CBL: variants seen among roughly 807,000 people sequenced by gnomAD.
CBL encodes Cbl proto-oncogene.
A neutral mutation model predicts 96.9 loss-of-function variants in CBL; 45 were observed. The observed-to-expected ratio is 0.46, with a 90% confidence interval of 0.37 to 0.60. The LOEUF is 0.60. Ranked by LOEUF, CBL falls within the 20% of genes least tolerant of loss-of-function variation. The pLI, the probability that CBL is intolerant of heterozygous loss-of-function variation, is 0.00. For missense variants in CBL, 1,024 were observed against 1,143.5 expected, an observed-to-expected ratio of 0.90 and a Z score of 1.51; for synonymous variants, 420 against 426.8, an observed-to-expected ratio of 0.98 and a Z score of 0.20.
intron 2 of CBL, among the ~76,000 whole-genome samples, chr11:119,249,044 G>T (rs1245609762): frequency 6.6e-6 from 1 of 152,166 alleles, no homozygotes; most frequent in Admixed American, 6.5e-5. Flanking sequence ...CAGTTCTTTA[G>T]AAAGCTGAAC....
chr11:119,218,648 T>C (rs1382918894), intron 1 of CBL, among the ~76,000 whole-genome samples: 1 of 152,050 alleles, frequency 6.6e-6, no homozygotes, highest in Non-Finnish European at 1.5e-5. Context: ...GTAGTGTATC[T>C]ACACCGTCTA....
At chr11:119,229,548 G>C (rs1949485300) in intron 1 of CBL, among the ~76,000 whole-genome samples, 1 of 152,086 alleles carries the variant, frequency 6.6e-6, no homozygotes, top group Non-Finnish European at 1.5e-5. Context: ...CCAGGAGTTC[G>C]AGGTTGTGGT....
rs1268167047 is a variant in CBL, at chr11:119,285,535, T to A, written c.1910T>A (p.Leu637His). Residue 637 changes from leucine to histidine, a missense_variant, in exon 11 of 16, where the codon CTC (leucine) becomes CAC (histidine). Physicochemically the swap from Leu to His is moderately conservative, Grantham distance 99 (BLOSUM62 -3). Transcript: ENST00000264033. ...GAGCCCAGACCAGATGTGCCTAGGC[T>A]CGGAAGCACGTTCAGTCTGGATACC... is the stretch of plus-strand genomic sequence containing the variant. Reference protein sequence around the residue: ...QMEPRPDVPRLGSTFSLDTSM... With the variant: ...QMEPRPDVPRHGSTFSLDTSM... 1.2e-6 allele frequency: 2 copies of A among 1,613,972 alleles called. No individual in the cohort carries two copies. The highest frequency in any genetic ancestry group is 1.7e-6 in the Non-Finnish European group (2 of 1,180,042).
At chr11:119,293,702 G>T (rs1441453027) in intron 12 of CBL, among the ~76,000 whole-genome samples, 2 of 152,018 alleles carry the variant, frequency 1.3e-5, no homozygotes, top group East Asian at 1.9e-4. Context: ...TTCTTAGTCT[G>T]TTTTCTGTTG....
intron 2 of CBL, 80 bp downstream of exon 2, chr11:119,232,775 G>C: frequency 1.4e-6 from 2 of 1,384,716 alleles, no homozygotes; most frequent in East Asian, 4.6e-5. Context: ...AGTTGAGTTG[G>C]TTTTAATTTT....
intron 2 of CBL, among the ~76,000 whole-genome samples, chr11:119,259,508 T>G (rs1225157382): frequency 1.3e-5 from 2 of 152,184 alleles, no homozygotes; most frequent in African/African-American, 4.8e-5. Context: ...TAAATTTATG[T>G]GAATTTAGTA....
At chr11:119,249,273 C>T (rs570811563) in intron 2 of CBL, among the ~76,000 whole-genome samples, 46 of 152,246 alleles carry the variant, frequency 3.0e-4, no homozygotes, top group Non-Finnish European at 5.3e-4. Flanking sequence ...ATGAAATTTT[C>T]GACTGGGCGT....
Position 119,278,645 on chromosome 11 carries a change from T to TATGATG in CBL, c.1377_1382dup (p.Asp459_Asp460dup). 6.2e-7 allele frequency: 1 copy of TATGATG among 1,613,022 alleles called. No individual in the cohort carries two copies. The stretch of plus-strand genomic sequence containing the variant: ...AGCAGAGGGAGCTCCCTCCCCAAAT[T>TATGATG]ATGATGATGATGATGATGAACGAGC... On this transcript the variant is annotated inframe_insertion, in exon 9 of 16. Transcript: ENST00000264033.
chr11:119,234,566 A>C (rs1949527631), intron 2 of CBL, among the ~76,000 whole-genome samples: 2 of 152,234 alleles, frequency 1.3e-5, no homozygotes, highest in Non-Finnish European at 2.9e-5. Context: ...TTCTGGTTCT[A>C]GGAGGTGAAA....
chr11:119,298,434 C>T lies in CBL; in HGVS notation c.2328C>T (p.Val776=). ...ESENEDDGYD[V]PKPPVPAVLA... ...AAAATGAGGATGATGGGTATGATGTCCCAAAGCCACCTGTGCCGGCCGTGC... is the reference window on the plus strand; with the variant it reads ...AAAATGAGGATGATGGGTATGATGTTCCAAAGCCACCTGTGCCGGCCGTGC... Residue 776 remains valine (V), a synonymous_variant, in exon 15 of 16, where the codon GTC becomes GTT. Coordinates refer to ENST00000264033, the MANE Select transcript of CBL (RefSeq NM_005188.4). 1 of 1,614,150 alleles carries T rather than the reference C, an allele frequency of 6.2e-7. No individual in the cohort carries two copies. The highest frequency in any genetic ancestry group is 1.1e-5 in the South Asian group (1 of 91,090).
rs1950130644 is a variant in CBL at position 119,305,604 on chromosome 11, A to G, written c.*5823A>G. On this transcript the variant is annotated 3_prime_UTR_variant, in exon 16 of 16. Coordinates refer to ENST00000264033, the MANE Select transcript of CBL (RefSeq NM_005188.4). ...AGAAACTACTTTGCCAGAGCCAGTA[A>G]GAATATATAATATTGGAGCAGTTGC... 1 of 225,788 alleles carries G rather than the reference A, an allele frequency of 4.4e-6. No individual in the cohort carries two copies. The highest frequency in any genetic ancestry group is 5.7e-5 in the Admixed American group (1 of 17,512). The allele number at this position is 225,788 out of a possible 1,614,324, so 14.0% of individuals were successfully genotyped here. A position where few individuals can be genotyped will look rare whatever the true frequency, so the allele number is the denominator to read the frequency against.
chr11:119,268,646 GGA>G (rs1949820691), intron 2 of CBL, among the ~76,000 whole-genome samples: 1 of 152,216 alleles, frequency 6.6e-6, no homozygotes, highest in Non-Finnish European at 1.5e-5. Flanking sequence ...CAAAGGAACA[GGA>G]GAGAGTACAC....
At chr11:119,298,109 A>G (rs1029503337) in intron 14 of CBL, among the ~76,000 whole-genome samples, 1 of 152,226 alleles carries the variant, frequency 6.6e-6, no homozygotes, top group African/African-American at 2.4e-5. Context: ...AGTCATTGGC[A>G]TCGGTGGCTA....
chr11:119,254,928 C>CT (rs1237427936), intron 2 of CBL, among the ~76,000 whole-genome samples: 1 of 152,070 alleles, frequency 6.6e-6, no homozygotes, highest in East Asian at 1.9e-4. Flanking sequence ...AACTTGTTCT[C>CT]AGTAGATTCA....
At chr11:119,216,394 A>G (rs1243736045) in intron 1 of CBL, among the ~76,000 whole-genome samples, 5 of 139,766 alleles carry the variant, frequency 3.6e-5, no homozygotes, top group Non-Finnish European at 6.2e-5. Context: ...ATTTTTTGAG[A>G]TGGAGTCTTG....
rs984614929 is a variant in CBL, at chr11:119,300,284, T to G, written c.*503T>G. On this transcript the variant is annotated 3_prime_UTR_variant, in exon 16 of 16. Coordinates refer to ENST00000264033, the MANE Select transcript of CBL (RefSeq NM_005188.4). ...TTTTAAAGACTTCCATCTACTGTGG[T>G]ATTATACCCAAGCCTAGTGTGTATT... is the stretch of plus-strand genomic sequence containing the variant. 2.2e-6 allele frequency: 1 copy of G among 444,672 alleles called. No homozygotes were observed. The highest frequency in any genetic ancestry group is 3.8e-5 in the Admixed American group (1 of 26,356). 27.5% of individuals were successfully genotyped at this position (444,672 alleles called of 1,614,324 possible). A position where few individuals can be genotyped will look rare whatever the true frequency, so the allele number is the denominator to read the frequency against.
Position 119,210,743 on chromosome 11 carries a change from C to T in CBL, c.195+4131C>T, listed in dbSNP as rs569327965. Among the ~76,000 whole-genome samples the T allele has an allele frequency of 2.8e-4, 43 of 151,688 alleles. 1 individual carries two copies. The highest frequency in any genetic ancestry group is 8.7e-4 in the African/African-American group (36 of 41,312). On this transcript the variant is annotated intron_variant, in intron 1 of 15. Coordinates refer to ENST00000264033, the MANE Select transcript of CBL (RefSeq NM_005188.4). ...AGGTGGGATAACAGGCATGAGCCAC[C>T]GCGCCTGGCTCAATTTAGTAAGAGA...
rs1446753328 is a variant in CBL at position 119,274,754 on chromosome 11, T to C, written c.748-78T>C. On this transcript the variant is annotated intron_variant, in intron 4 of 15. Coordinates refer to ENST00000264033, the MANE Select transcript of CBL (RefSeq NM_005188.4). ...GACAATGAACTGAGAGTTGGTGTTG[T>C]TTTTTTTTTTTCTCATTGCCCTCTG... 7.1e-6 allele frequency: 6 copies of C among 841,302 alleles called. No homozygotes were observed. The East Asian group carries it at 2.2e-4, about 31-fold the overall frequency. The allele number at this position is 841,302 out of a possible 1,614,324, so 52.1% of individuals were successfully genotyped here. A position where few individuals can be genotyped will look rare whatever the true frequency, so the allele number is the denominator to read the frequency against.
At chr11:119,265,596 G>A (rs116556428) in intron 2 of CBL, among the ~76,000 whole-genome samples, 3,905 of 152,142 alleles carry the variant, frequency 0.026, 180 homozygotes, top group African/African-American at 0.089. Flanking sequence ...ACATAAAATA[G>A]AAAAAGTGGC....
Sources: gnomAD v4.1 joint callset for allele counts (sites outside exome capture counted in the v4.1 genomes callset) on GRCh38, gnomAD v4.1.1 for gene constraint, MANE v1.5 for transcripts, NCBI Gene and HGNC (gene_info 2026-07-23, HGNC 2026-07-21) for gene names.